NXPH2: variants seen among roughly 807,000 people sequenced by gnomAD.
The protein encoded by NXPH2 is neurexophilin-2.
In NXPH2, 5 loss-of-function variants were observed where a neutral mutation model predicts 19.8. That is an observed-to-expected ratio of 0.25 (90% confidence interval 0.13 to 0.53). The LOEUF is 0.53. Ranked by LOEUF, NXPH2 falls within the 20% of genes least tolerant of loss-of-function variation. NXPH2 has a pLI of 0.96. For synonymous variants in NXPH2, 154 were observed against 127.4 expected (o/e 1.21, Z -1.41); for missense variants, 289 against 322.8 (o/e 0.90, Z 0.80).
intron 1 of NXPH2, among the ~76,000 whole-genome samples, chr2:138,737,808 T>C (rs1681575324): frequency 6.6e-6 from 1 of 152,194 alleles, no homozygotes; most frequent in Non-Finnish European, 1.5e-5. Flanking sequence ...CATTACATAG[T>C]GTGCCATCCT....
At chr2:138,745,494 G>GGA (rs1681712145) in intron 1 of NXPH2, among the ~76,000 whole-genome samples, 1 of 9,624 alleles carries the variant, frequency 1.0e-4, no homozygotes, top group African/African-American at 3.2e-4. Context: ...TTTTTTTGGC[G>GGA]GGGGGGGGGG....
chr2:138,676,447 C>A (rs934132709), intron 1 of NXPH2, among the ~76,000 whole-genome samples: 1 of 152,138 alleles, frequency 6.6e-6, no homozygotes, highest in African/African-American at 2.4e-5. Flanking sequence ...AGACTGGAGG[C>A]TGATGAGCCA....
At position 138,695,024 on chromosome 2, in the gene NXPH2, T is replaced by G. The variant is rs140146749; in HGVS notation, c.52-23359A>C. 3.3e-5 allele frequency among the ~76,000 whole-genome samples: 5 copies of G among 152,254 alleles called. No homozygotes were observed. In the East Asian group the frequency reaches 9.7e-4, roughly 29 times the overall value. On this transcript the variant is annotated intron_variant, in intron 1 of 1. Transcript: ENST00000272641. ...TAACACAATGGTAAGGATTCATATA[T>G]CTAAACATGTCTAAGCATAGAAAAG... is the stretch of plus-strand genomic sequence containing the variant.
chr2:138,677,232 C>G (rs1424332475), intron 1 of NXPH2, among the ~76,000 whole-genome samples: 2 of 152,150 alleles, frequency 1.3e-5, no homozygotes, highest in Non-Finnish European at 2.9e-5. Context: ...GCTGTCTTTT[C>G]CCCCATCATA....
chr2:138,711,626 T>C (rs1385661582), intron 1 of NXPH2, among the ~76,000 whole-genome samples: 1 of 152,140 alleles, frequency 6.6e-6, no homozygotes. Flanking sequence ...CAATTGTTCT[T>C]TAGTTCCTAC....
chr2:138,731,096 T>C (rs887866358), intron 1 of NXPH2, among the ~76,000 whole-genome samples: 1 of 152,192 alleles, frequency 6.6e-6, no homozygotes, highest in Non-Finnish European at 1.5e-5. Context: ...TAAATATTTA[T>C]CATTATTTAC....
At chr2:138,739,661 T>C (rs957036597) in intron 1 of NXPH2, among the ~76,000 whole-genome samples, 1 of 152,180 alleles carries the variant, frequency 6.6e-6, no homozygotes, top group African/African-American at 2.4e-5. Flanking sequence ...GACTTTCCTC[T>C]GCAGTTTAGT....
chr2:138,731,214 CATA>C (rs1365579327), intron 1 of NXPH2, among the ~76,000 whole-genome samples: 1 of 152,070 alleles, frequency 6.6e-6, no homozygotes, highest in Non-Finnish European at 1.5e-5. Context: ...TCTATGTGCT[CATA>C]ATAAGAGGCT....
At chr2:138,750,580 T>A (rs1573977451) in intron 1 of NXPH2, among the ~76,000 whole-genome samples, 1 of 152,332 alleles carries the variant, frequency 6.6e-6, no homozygotes, top group East Asian at 1.9e-4. Context: ...AAATATTTAT[T>A]GAGTGCTGCT....
At chr2:138,680,073 AG>A (rs1680549831) in intron 1 of NXPH2, among the ~76,000 whole-genome samples, 1 of 152,154 alleles carries the variant, frequency 6.6e-6, no homozygotes, top group Non-Finnish European at 1.5e-5. Flanking sequence ...GAAGTCAATC[AG>A]GACAAGCAGG....
At chr2:138,710,509 T>C (rs1447134950) in intron 1 of NXPH2, among the ~76,000 whole-genome samples, 1 of 152,132 alleles carries the variant, frequency 6.6e-6, no homozygotes, top group Non-Finnish European at 1.5e-5. Flanking sequence ...AACTCCACTA[T>C]TTTACATTCC....
chr2:138,743,257 G>GT (rs1681672892), intron 1 of NXPH2, among the ~76,000 whole-genome samples: 1 of 127,906 alleles, frequency 7.8e-6, no homozygotes, highest in African/African-American at 2.5e-5. Context: ...ATCCACCTTA[G>GT]TAAAAAAAAA....
At chr2:138,721,375 A>G (rs1441968920) in intron 1 of NXPH2, among the ~76,000 whole-genome samples, 1 of 151,966 alleles carries the variant, frequency 6.6e-6, no homozygotes, top group Non-Finnish European at 1.5e-5. Context: ...GGGAAAGCTG[A>G]GCCAGCCAGA....
intron 1 of NXPH2, among the ~76,000 whole-genome samples, chr2:138,675,913 T>C (rs1052484217): frequency 1.3e-5 from 2 of 151,982 alleles, no homozygotes; most frequent in African/African-American, 4.8e-5. Context: ...AGTGACAGCA[T>C]TCACTGGCAG....
intron 1 of NXPH2, among the ~76,000 whole-genome samples, chr2:138,774,680 T>A (rs1314810488): frequency 6.6e-6 from 1 of 152,156 alleles, no homozygotes; most frequent in East Asian, 1.9e-4. Context: ...TGTGCACACA[T>A]ACACACACAC....
intron 1 of NXPH2, among the ~76,000 whole-genome samples, chr2:138,768,990 C>T (rs1682133506): frequency 6.6e-6 from 1 of 152,176 alleles, no homozygotes; most frequent in Non-Finnish European, 1.5e-5. Flanking sequence ...ATTGAACATA[C>T]AGGCCCCGTC....
At chr2:138,764,967 G>A (rs1682069404) in intron 1 of NXPH2, among the ~76,000 whole-genome samples, 1 of 152,102 alleles carries the variant, frequency 6.6e-6, no homozygotes, top group African/African-American at 2.4e-5. Flanking sequence ...TTTTTCTATG[G>A]CCATTTCCTA....
At chr2:138,702,877 AGGAAG>A (rs1680952065) in intron 1 of NXPH2, among the ~76,000 whole-genome samples, 1 of 152,230 alleles carries the variant, frequency 6.6e-6, no homozygotes, top group South Asian at 2.1e-4. Flanking sequence ...TTTAGGAAGA[AGGAAG>A]GGAAAAAGAA....
At chr2:138,746,586 G>A (rs545007232) in intron 1 of NXPH2, among the ~76,000 whole-genome samples, 145 of 152,300 alleles carry the variant, frequency 9.5e-4, no homozygotes, top group Non-Finnish European at 4.7e-4. Flanking sequence ...CAATGGATGA[G>A]GACATTGTCA....
Sources: gnomAD v4.1 joint callset for allele counts (sites outside exome capture counted in the v4.1 genomes callset) on GRCh38, gnomAD v4.1.1 for gene constraint, MANE v1.5 for transcripts, NCBI Gene and HGNC (gene_info 2026-07-23, HGNC 2026-07-21) for gene names.